LDLRAD4: variants seen among roughly 807,000 people sequenced by gnomAD.
The protein encoded by LDLRAD4 is low-density lipoprotein receptor class A domain-containing protein 4.
Under a neutral mutation model 17.0 loss-of-function variants are expected in LDLRAD4, and 5 were observed. That is an observed-to-expected ratio of 0.29 (90% CI 0.15 to 0.62). The LOEUF is 0.62. Among genes scored for constraint, LDLRAD4 ranks in the 20% least tolerant of loss-of-function variants. LDLRAD4 has a pLI of 0.84. For missense variants in LDLRAD4, 340 were observed against 424.7 expected (o/e 0.80, Z 1.75); for synonymous variants, 168 against 171.8 (o/e 0.98, Z 0.17).
intron 1 of LDLRAD4, among the ~76,000 whole-genome samples, chr18:13,244,288 A>G (rs1260350461): frequency 6.6e-6 from 1 of 150,460 alleles, no homozygotes; most frequent in Non-Finnish European, 1.5e-5. Context: ...CCACCCATCC[A>G]TCTATTCATC....
intron 3 of LDLRAD4, chr18:13,565,129 A>C (rs1312948632): frequency 1.3e-5 from 2 of 152,240 alleles, no homozygotes; most frequent in African/African-American, 4.8e-5. Context: ...CATACACCAA[A>C]CAACTAGGTT....
At chr18:13,535,164 A>C (rs1315358482) in intron 3 of LDLRAD4, among the ~76,000 whole-genome samples, 1 of 152,142 alleles carries the variant, frequency 6.6e-6, no homozygotes, top group African/African-American at 2.4e-5. Flanking sequence ...TTGTGTGGGC[A>C]TATATTTTCA....
intron 3 of LDLRAD4, among the ~76,000 whole-genome samples, chr18:13,586,743 C>T (rs1211891484): frequency 6.6e-6 from 1 of 151,898 alleles, no homozygotes; most frequent in Non-Finnish European, 1.5e-5. Flanking sequence ...CAAAAATTAG[C>T]CAGGCATGGT....
chr18:13,510,620 A>G (rs2093762668), intron 3 of LDLRAD4, among the ~76,000 whole-genome samples: 1 of 152,198 alleles, frequency 6.6e-6, no homozygotes, highest in African/African-American at 2.4e-5. Flanking sequence ...ATTCATGACT[A>G]TAGAACCCAC....
intron 3 of LDLRAD4, among the ~76,000 whole-genome samples, chr18:13,539,653 A>AGT (rs1208563740): frequency 1.3e-5 from 2 of 152,100 alleles, no homozygotes; most frequent in Non-Finnish European, 2.9e-5. Flanking sequence ...AAGCAAATGA[A>AGT]GTAGGTATCA....
intron 3 of LDLRAD4, among the ~76,000 whole-genome samples, chr18:13,572,912 G>A (rs1413783763): frequency 2.6e-5 from 4 of 152,200 alleles, no homozygotes; most frequent in African/African-American, 9.6e-5. Flanking sequence ...AGTGGCGCAG[G>A]CGAGACTGCC....
intron 3 of LDLRAD4, among the ~76,000 whole-genome samples, chr18:13,587,245 T>C (rs1029191613): frequency 6.6e-6 from 1 of 152,180 alleles, no homozygotes; most frequent in Non-Finnish European, 1.5e-5. Flanking sequence ...ATGCTGATGC[T>C]GCTGTTCTAG....
intron 3 of LDLRAD4, among the ~76,000 whole-genome samples, chr18:13,608,737 A>G (rs1271131729): frequency 2.6e-5 from 4 of 152,208 alleles, no homozygotes; most frequent in African/African-American, 9.6e-5. Context: ...CTGCAGATGG[A>G]ACCTGAGACG....
At chr18:13,585,841 A>T (rs2094925711) in intron 3 of LDLRAD4, among the ~76,000 whole-genome samples, 1 of 152,206 alleles carries the variant, frequency 6.6e-6, no homozygotes, top group Admixed American at 6.5e-5. Flanking sequence ...ATATATTTCA[A>T]TATTGAACCA....
chr18:13,612,151 CCTTT>C (rs1335384505), intron 3 of LDLRAD4: 54 of 986,042 alleles, frequency 5.5e-5, no homozygotes, highest in Non-Finnish European at 6.3e-5. Flanking sequence ...CAGATTTCCT[CCTTT>C]CTGTCTGGAC....
intron 4 of LDLRAD4, among the ~76,000 whole-genome samples, chr18:13,628,487 A>G (rs1022432659): frequency 6.6e-6 from 1 of 152,250 alleles, no homozygotes; most frequent in African/African-American, 2.4e-5. Flanking sequence ...GGTTGGCCGC[A>G]GCATGTCTGT....
rs1411649273 is a variant in LDLRAD4, at chr18:13,367,460, G to A, written c.-382-19881G>A. On this transcript the variant is annotated intron_variant, in intron 1 of 5. Transcript: ENST00000359446. This position sits in a 1 kb window ranked among gnomAD's most constrained non-coding sequence, Gnocchi z 4.1. The stretch of plus-strand genomic sequence containing the variant: ...CATGGGGCAGAAAAGAGCCTGGCAG[G>A]TTTTGGAGGTGCACTGTATGCTCAG... Among the ~76,000 whole-genome samples the A allele has an allele frequency of 1.3e-5, 2 of 152,206 alleles. No homozygotes were observed. The highest frequency in any genetic ancestry group is 2.4e-5 in the African/African-American group (1 of 41,444).
chr18:13,357,627 C>T (rs534613456), intron 1 of LDLRAD4, among the ~76,000 whole-genome samples: 2 of 152,224 alleles, frequency 1.3e-5, no homozygotes, highest in East Asian at 3.9e-4. Flanking sequence ...ATTTTTTCAT[C>T]AGGAGATATG....
At chr18:13,284,865 C>CA (rs1221666987) in intron 1 of LDLRAD4, among the ~76,000 whole-genome samples, 2 of 152,196 alleles carry the variant, frequency 1.3e-5, no homozygotes, top group African/African-American at 4.8e-5. Context: ...CAGCTGGTGC[C>CA]AGTGTTAACA....
chr18:13,476,859 T>C (rs937887808), intron 3 of LDLRAD4, among the ~76,000 whole-genome samples: 7 of 152,198 alleles, frequency 4.6e-5, no homozygotes, highest in African/African-American at 1.7e-4. Context: ...CTCCAGCAGA[T>C]ATTTGCTTCA....
At chr18:13,547,377 G>A (rs745889704) in intron 3 of LDLRAD4, among the ~76,000 whole-genome samples, 9 of 152,174 alleles carry the variant, frequency 5.9e-5, no homozygotes, top group African/African-American at 1.2e-4. Context: ...AACTTTGTGC[G>A]TCTGCTGTAT....
chr18:13,563,085 C>A (rs1359363645), intron 3 of LDLRAD4: 1 of 152,208 alleles, frequency 6.6e-6, no homozygotes, highest in Non-Finnish European at 1.5e-5. Context: ...AGGGACAGAC[C>A]TGATGGTTTA....
At position 13,222,934 on chromosome 18, in the gene LDLRAD4, G is replaced by C. The variant is rs150849490; in HGVS notation, c.-467+3946G>C. On this transcript the variant is annotated intron_variant, in intron 1 of 5. Transcript: ENST00000399848. Reference sequence around the variant, plus strand: ...GTTTACAGTTGTGTTCTTTCTGCAGGTGCAGACACTGAGAACAAATTGTCT... The same window carrying C: ...GTTTACAGTTGTGTTCTTTCTGCAGCTGCAGACACTGAGAACAAATTGTCT... 2.9e-4 allele frequency among the ~76,000 whole-genome samples: 44 copies of C among 152,304 alleles called. 1 individual carries two copies. The highest frequency in any genetic ancestry group is 1.0e-3 in the African/African-American group (42 of 41,570).
At chr18:13,433,490 C>T (rs2090468763) in intron 2 of LDLRAD4, among the ~76,000 whole-genome samples, 1 of 152,148 alleles carries the variant, frequency 6.6e-6, no homozygotes, top group African/African-American at 2.4e-5. Context: ...AAAACTAAGG[C>T]TTTAAAGGAG....
Sources: gnomAD v4.1 joint callset for allele counts (sites outside exome capture counted in the v4.1 genomes callset) on GRCh38, gnomAD v4.1.1 for gene constraint, Gnocchi (gnomAD v3.1) non-coding constraint, MANE v1.5 for transcripts, NCBI Gene and HGNC (gene_info 2026-07-23, HGNC 2026-07-21) for gene names.